The following IPO7 variants were observed in gnomAD, a reference collection of about 807,000 sequenced individuals.
The protein encoded by IPO7 is importin 7.
Under a neutral mutation model 136.4 loss-of-function variants are expected in IPO7, and 13 were observed. The ratio of observed to expected loss-of-function variants is 0.10; its 90% confidence interval spans 0.06 to 0.15. The LOEUF (loss-of-function observed/expected upper bound fraction) is 0.15, where lower values mean the gene tolerates loss of function less well. IPO7 is among the 10% of genes least tolerant of loss of function. The probability of loss-of-function intolerance (pLI) is 1.00; values close to 1 mark genes in which losing one functional copy is unlikely to be tolerated. For synonymous variants in IPO7, 403 were observed against 404.4 expected, an observed-to-expected ratio of 1.00 and a Z score of 0.04; for missense variants, 857 against 1,240.6, an observed-to-expected ratio of 0.69 and a Z score of 4.65.
chr11:9,407,027 T>TAG (rs1479067848), intron 2 of IPO7, among the ~76,000 whole-genome samples: 9 of 152,236 alleles, frequency 5.9e-5, no homozygotes, highest in African/African-American at 2.2e-4. Context: ...ATGAGATCCT[T>TAG]ACAGTGCAAT....
At chr11:9,399,748 G>A (rs1006817798) in intron 1 of IPO7, among the ~76,000 whole-genome samples, 4 of 152,176 alleles carry the variant, frequency 2.6e-5, no homozygotes, top group African/African-American at 9.7e-5. Flanking sequence ...GCCTGAGAAG[G>A]AGAGAGACCA....
At chr11:9,397,236 A>T (rs193102630) in intron 1 of IPO7, among the ~76,000 whole-genome samples, 1 of 148,384 alleles carries the variant, frequency 6.7e-6, no homozygotes, top group Non-Finnish European at 1.5e-5. Flanking sequence ...ACTTCCAGCT[A>T]TTATAATTTT....
At chr11:9,433,932 T>A (rs1017929812) in intron 18 of IPO7, 86 bp downstream of exon 18, 8 of 1,412,790 alleles carry the variant, frequency 5.7e-6, no homozygotes, top group Non-Finnish European at 7.6e-6. Context: ...ACTTTTTTTT[T>A]TTTTTTTTGA....
rs998133804 is a variant in IPO7, at chr11:9,445,577, A to C, written c.*383A>C. On this transcript the variant is annotated 3_prime_UTR_variant, in exon 25 of 25. Transcript: ENST00000379719. ...GGACTATTTAAAATGTCTCATTTAC[A>C]GTATAAAACTCAAAGGTAGATGTAA... The C allele has an allele frequency of 6.2e-6, 1 of 161,336 alleles. No individual in the cohort carries two copies. Among genetic ancestry groups the C allele is most frequent in the Non-Finnish European group, 1.4e-5 (1 of 73,558 alleles). The allele number at this position is 161,336 out of a possible 1,614,324, so 10.0% of individuals were successfully genotyped here.
At chr11:9,384,954 C>T (rs1250795691) in intron 1 of IPO7, 107 bp downstream of exon 1, 3 of 813,542 alleles carry the variant, frequency 3.7e-6, no homozygotes, top group East Asian at 2.8e-5. Flanking sequence ...TTGAGGGTCC[C>T]AGCAGGAGGG....
In IPO7 at chr11:9,437,779, C is replaced by T; in HGVS notation, c.2294C>T (p.Ala765Val). 6.2e-7 allele frequency: 1 copy of T among 1,613,586 alleles called. No homozygotes were observed. The highest frequency in any genetic ancestry group is 8.5e-7 in the Non-Finnish European group (1 of 1,179,572). The change falls in exon 21 of 25, where the codon GCC becomes GTC. Residue 765 changes from alanine to valine, a missense_variant. By Grantham distance (64) the Ala-to-Val change is moderately conservative. Coordinates refer to ENST00000379719, the MANE Select transcript of IPO7 (RefSeq NM_006391.3). ...TGCATTCCCTTATTCGTGGAAGCAG[C>T]CTTAGAAAGACTGACAAGAGAGGTT... is the stretch of plus-strand genomic sequence containing the variant. ...DQCIPLFVEA[A>V]LERLTREVKT...
At chr11:9,416,748 GA>G (rs1044713947) in intron 5 of IPO7, among the ~76,000 whole-genome samples, 1 of 151,964 alleles carries the variant, frequency 6.6e-6, no homozygotes, top group African/African-American at 2.4e-5. Context: ...TGTCTGCTTT[GA>G]AAAAAATAAA....
chr11:9,392,725 G>A (rs886116844), intron 1 of IPO7, among the ~76,000 whole-genome samples: 15 of 152,024 alleles, frequency 9.9e-5, no homozygotes, highest in African/African-American at 3.4e-4. Context: ...AAGGTGGGTG[G>A]ATCATCTGAG....
chr11:9,402,606 T>A (rs1854817021), intron 1 of IPO7: 1 of 149,794 alleles, frequency 6.7e-6, no homozygotes, highest in Non-Finnish European at 1.5e-5. Context: ...ACACGTGTAA[T>A]CCCTGCAGTT....
chr11:9,385,589 C>T (rs2133712508), intron 1 of IPO7, among the ~76,000 whole-genome samples: 1 of 152,310 alleles, frequency 6.6e-6, no homozygotes, highest in Middle Eastern at 3.4e-3. Context: ...GTCGCTTAAC[C>T]TCTTGATCCT....
At chr11:9,417,399 T>C (rs557728923) in intron 6 of IPO7, among the ~76,000 whole-genome samples, 28 of 152,308 alleles carry the variant, frequency 1.8e-4, no homozygotes, top group African/African-American at 6.7e-4. Context: ...TGTCCTTTTG[T>C]TTCATCCTAA....
chr11:9,400,873 T>A (rs775811069), intron 1 of IPO7, among the ~76,000 whole-genome samples: 5 of 151,834 alleles, frequency 3.3e-5, no homozygotes, highest in Non-Finnish European at 5.9e-5. Context: ...CAGAGTGGGG[T>A]AAAGTCTGTA....
At chr11:9,433,522 T>G in intron 16 of IPO7, 48 bp from the exon 17 acceptor site, 1 of 1,302,588 alleles carries the variant, frequency 7.7e-7, no homozygotes, top group Non-Finnish European at 1.1e-6. Context: ...TCTTACTAAG[T>G]CATTTAGTAG....
Position 9,408,640 on chromosome 11 carries a change from G to T in IPO7, c.320+1G>T. ...TTATCCATTCTCCTGAGCTCATCAG[G>T]TATGTATTTTTAAAATTTACCCATT... On this transcript the variant is annotated splice_donor_variant, in intron 3 of 24. Coordinates refer to ENST00000379719, the MANE Select transcript of IPO7 (RefSeq NM_006391.3). LOFTEE classifies it high-confidence loss of function. 1 of 1,508,642 alleles carries T rather than the reference G, an allele frequency of 6.6e-7. No homozygotes were observed. The highest frequency in any genetic ancestry group is 8.9e-7 in the Non-Finnish European group (1 of 1,129,520). The allele number at this position is 1,508,642 out of a possible 1,614,324, so 93.5% of individuals were successfully genotyped here. A position where few individuals can be genotyped will look rare whatever the true frequency, so the allele number is the denominator to read the frequency against.
intron 17 of IPO7, 41 bp from the exon 18 acceptor site, chr11:9,433,680 A>T (rs781388213): frequency 1.2e-6 from 2 of 1,613,130 alleles, no homozygotes; most frequent in Non-Finnish European, 1.7e-6. Flanking sequence ...GCTATTTCAC[A>T]TGAGCAAGCA....
At chr11:9,443,110 A>T (rs1855480959) in intron 24 of IPO7, among the ~76,000 whole-genome samples, 1 of 151,800 alleles carries the variant, frequency 6.6e-6, no homozygotes, top group Admixed American at 6.6e-5. Context: ...AGGCTGGGGC[A>T]GGCAAGTCCT....
intron 12 of IPO7, among the ~76,000 whole-genome samples, chr11:9,427,385 C>T (rs1031057525): frequency 2.0e-5 from 3 of 152,002 alleles, no homozygotes; most frequent in African/African-American, 7.3e-5. Flanking sequence ...CTCAGCCTCC[C>T]GAGTAGCTGG....
Position 9,417,133 on chromosome 11 carries a change from C to G in IPO7, c.711C>G (p.Asn237Lys), listed in dbSNP as rs1392008976. Reference protein sequence around the residue: ...EWIEILKTVVNRDVPNETLQV... With the variant: ...EWIEILKTVVKRDVPNETLQV... ...TAGAAATTTTAAAGACTGTTGTGAA[C>G]AGGGATGTACCTAATGTAAGTTTCT... The change falls in exon 6 of 25, where the codon AAC becomes AAG. Residue 237 changes from asparagine to lysine, a missense_variant. By Grantham distance (94) the Asn-to-Lys change is moderately conservative (BLOSUM62 0). This residue lies in a region of IPO7 where 287 missense variants were observed against 307.5 expected (regional missense o/e 0.93). Transcript: ENST00000379719. 6.7e-7 allele frequency: 1 copy of G among 1,486,882 alleles called. No individual in the cohort carries two copies. Among genetic ancestry groups the G allele is most frequent in the South Asian group, 1.2e-5 (1 of 85,304 alleles). 92.1% of individuals were successfully genotyped at this position (1,486,882 alleles called of 1,614,324 possible). A position where few individuals can be genotyped will look rare whatever the true frequency, so the allele number is the denominator to read the frequency against.
At chr11:9,430,030 T>C (rs1390686718) in intron 15 of IPO7, among the ~76,000 whole-genome samples, 196 bp downstream of exon 15, 14 of 152,124 alleles carry the variant, frequency 9.2e-5, no homozygotes, top group Non-Finnish European at 1.5e-4. Context: ...CCACCTCTTA[T>C]CAGACAGGCA....
Sources: gnomAD v4.1 joint callset for allele counts (sites outside exome capture counted in the v4.1 genomes callset) on GRCh38, gnomAD v4.1.1 for gene constraint, gnomAD v4.1.1 regional missense constraint, MANE v1.5 for transcripts, NCBI Gene and HGNC (gene_info 2026-07-23, HGNC 2026-07-21) for gene names.